MAP7: variants seen among roughly 807,000 people sequenced by gnomAD.
MAP7 encodes ensconsin.
Under a neutral mutation model 94.8 loss-of-function variants are expected in MAP7, and 52 were observed. That is an observed-to-expected ratio of 0.55 (90% CI 0.44 to 0.69). The LOEUF (loss-of-function observed/expected upper bound fraction) is 0.69, where lower values mean the gene tolerates loss of function less well. MAP7 is among the 30% of genes least tolerant of loss of function. The pLI, the probability that MAP7 is intolerant of heterozygous loss-of-function variation, is 0.00. For synonymous variants in MAP7, 350 were observed against 357.0 expected (o/e 0.98, Z 0.22); for missense variants, 940 against 964.6 (o/e 0.97, Z 0.34).
chr6:136,508,704 C>A (rs971562263), intron 1 of MAP7, among the ~76,000 whole-genome samples: 4 of 152,148 alleles, frequency 2.6e-5, no homozygotes, highest in African/African-American at 9.7e-5. Context: ...TCAGTCAAAA[C>A]CCAGGATGGT....
chr6:136,410,623 A>G (rs1787153774), intron 3 of MAP7, among the ~76,000 whole-genome samples: 1 of 152,220 alleles, frequency 6.6e-6, no homozygotes, highest in Non-Finnish European at 1.5e-5. Context: ...AAAAGAAATG[A>G]CCTCATATGG....
intron 1 of MAP7, among the ~76,000 whole-genome samples, 172 bp from the exon 2 acceptor site, chr6:136,421,971 A>G (rs895937113): frequency 4.6e-5 from 7 of 152,260 alleles, no homozygotes; most frequent in Non-Finnish European, 8.8e-5. Flanking sequence ...TAGGAAGAAC[A>G]CATAAAAAAT....
chr6:136,529,700 T>A (rs1404816366), intron 1 of MAP7, among the ~76,000 whole-genome samples: 2 of 152,324 alleles, frequency 1.3e-5, no homozygotes, highest in African/African-American at 4.8e-5. Context: ...TGCGTAAAAA[T>A]ATTCTGCAGT....
intron 3 of MAP7, among the ~76,000 whole-genome samples, chr6:136,398,669 T>C (rs912094951): frequency 2.6e-5 from 4 of 152,194 alleles, no homozygotes; most frequent in East Asian, 1.9e-4. Context: ...GCCACCACCA[T>C]GTAGGAATTG....
chr6:136,428,089 A>G (rs1793732634), intron 1 of MAP7, among the ~76,000 whole-genome samples: 1 of 152,228 alleles, frequency 6.6e-6, no homozygotes, highest in Admixed American at 6.5e-5. Flanking sequence ...CCTTATTTCT[A>G]TAACTGCACT....
At chr6:136,414,519 G>A (rs1378273513) in intron 2 of MAP7, among the ~76,000 whole-genome samples, 2 of 151,998 alleles carry the variant, frequency 1.3e-5, no homozygotes, top group South Asian at 2.1e-4. Flanking sequence ...AATGGTGGCC[G>A]TAGTAAAATG....
At chr6:136,350,915 A>C (rs1403258117) in intron 16 of MAP7, among the ~76,000 whole-genome samples, 1 of 152,204 alleles carries the variant, frequency 6.6e-6, no homozygotes, top group African/African-American at 2.4e-5. Flanking sequence ...CTCTAGATGG[A>C]AGAGTTTAAG....
rs1156527948 is a variant in MAP7 at position 136,381,877 on chromosome 6, T to TACACACACACACACAC, written c.637+1778_637+1793dup. 2.1e-3 allele frequency among the ~76,000 whole-genome samples: 192 copies of TACACACACACACACAC among 92,998 alleles called. 2 individuals are homozygous for TACACACACACACACAC. Among genetic ancestry groups the TACACACACACACACAC allele is most frequent in the East Asian group, 9.9e-3 (32 of 3,240 alleles). 61.0% of individuals were successfully genotyped at this position (92,998 alleles called of 152,430 possible). A position where few individuals can be genotyped will look rare whatever the true frequency, so the allele number is the denominator to read the frequency against. ...CTCTACTCCTTACCACTTCTAACCT[T>TACACACACACACACAC]ACACACACACACACACACACACACA... On this transcript the variant is annotated intron_variant, in intron 6 of 17. Coordinates refer to ENST00000354570, the MANE Select transcript of MAP7 (RefSeq NM_003980.6).
At chr6:136,423,788 T>TG (rs1306566584) in intron 1 of MAP7, among the ~76,000 whole-genome samples, 4 of 136,694 alleles carry the variant, frequency 2.9e-5, no homozygotes, top group African/African-American at 1.0e-4. Flanking sequence ...TTGTGTTTTT[T>TG]TTTTTTGTTT....
At chr6:136,533,619 T>G (rs905269778) in intron 1 of MAP7, among the ~76,000 whole-genome samples, 2 of 152,214 alleles carry the variant, frequency 1.3e-5, no homozygotes, top group Non-Finnish European at 2.9e-5. Context: ...CTTAGAGTTC[T>G]GCAGACTGTA....
At chr6:136,462,494 A>T (rs1235823766) in intron 1 of MAP7, among the ~76,000 whole-genome samples, 1 of 152,170 alleles carries the variant, frequency 6.6e-6, no homozygotes, top group Non-Finnish European at 1.5e-5. Flanking sequence ...AGCATAGCAG[A>T]TTCACAAGCA....
At chr6:136,446,716 G>A (rs1799479431) in intron 1 of MAP7, among the ~76,000 whole-genome samples, 1 of 152,156 alleles carries the variant, frequency 6.6e-6, no homozygotes, top group South Asian at 2.1e-4. Context: ...GATTTCAGTA[G>A]TTGCATGCCA....
At chr6:136,521,385 A>G (rs1826366674) in intron 1 of MAP7, among the ~76,000 whole-genome samples, 1 of 152,244 alleles carries the variant, frequency 6.6e-6, no homozygotes, top group Non-Finnish European at 1.5e-5. Flanking sequence ...GACTGAAAGC[A>G]GGAAGACCAT....
At chr6:136,397,945 G>A (rs1050533814) in intron 3 of MAP7, among the ~76,000 whole-genome samples, 2 of 151,974 alleles carry the variant, frequency 1.3e-5, no homozygotes, top group African/African-American at 4.8e-5. Context: ...TTTATCCCTG[G>A]CCTATGGGAT....
intron 1 of MAP7, among the ~76,000 whole-genome samples, chr6:136,505,915 G>A (rs1439354167): frequency 3.9e-5 from 6 of 152,172 alleles, no homozygotes; most frequent in African/African-American, 1.4e-4. Flanking sequence ...CATTGCCTGT[G>A]AAGTGTATGT....
At chr6:136,496,108 A>G (rs754617911) in intron 1 of MAP7, among the ~76,000 whole-genome samples, 9 of 152,068 alleles carry the variant, frequency 5.9e-5, no homozygotes, top group Non-Finnish European at 5.9e-5. Flanking sequence ...CTTTTGTCAT[A>G]TGAATATACT....
rs1554242697 is a variant in MAP7 at position 136,393,978 on chromosome 6, A to AATTTTTTTTT, written c.245-4462_245-4461insAAAAAAAAAT. On this transcript the variant is annotated intron_variant, in intron 3 of 17. Coordinates refer to ENST00000354570, the MANE Select transcript of MAP7 (RefSeq NM_003980.6). ...GTTCTGATATCTCTGCAGCAAAGGT[A>AATTTTTTTTT]TTTTTTTTTTTTTTTTTTTTTTTGA... Among the ~76,000 whole-genome samples the AATTTTTTTTT allele has an allele frequency of 5.5e-5, 2 of 36,204 alleles. 1 individual carries two copies. The allele number at this position is 36,204 out of a possible 152,430, so 23.8% of individuals were successfully genotyped here. A position where few individuals can be genotyped will look rare whatever the true frequency, so the allele number is the denominator to read the frequency against.
chr6:136,487,581 T>C (rs1346147152), intron 1 of MAP7, among the ~76,000 whole-genome samples: 1 of 151,798 alleles, frequency 6.6e-6, no homozygotes, highest in East Asian at 1.9e-4. Context: ...TGGTGGTGTG[T>C]GCTTGTAGTC....
At chr6:136,485,705 G>GGCGCCCGCCACT (rs1272987901) in intron 1 of MAP7, among the ~76,000 whole-genome samples, 2 of 150,584 alleles carry the variant, frequency 1.3e-5, no homozygotes, top group Non-Finnish European at 3.0e-5. Context: ...TGGGACTACA[G>GGCGCCCGCCACT]GCGCCCGCCA....
Sources: gnomAD v4.1 joint callset for allele counts (sites outside exome capture counted in the v4.1 genomes callset) on GRCh38, gnomAD v4.1.1 for gene constraint, MANE v1.5 for transcripts, NCBI Gene and HGNC (gene_info 2026-07-23, HGNC 2026-07-21) for gene names.